The following SPTLC3 variants were observed in gnomAD, a reference collection of about 807,000 sequenced individuals.
The protein encoded by SPTLC3 is serine palmitoyltransferase 3.
In SPTLC3, 36 loss-of-function variants were observed where a neutral mutation model predicts 59.3. The ratio of observed to expected loss-of-function variants is 0.61; its 90% confidence interval spans 0.47 to 0.80. The LOEUF is 0.80. Ranked by LOEUF, SPTLC3 falls within the 30% of genes least tolerant of loss-of-function variation. The pLI is 0.00. For missense variants in SPTLC3, 625 were observed against 685.1 expected (o/e 0.91, Z 0.98); for synonymous variants, 257 against 240.8 (o/e 1.07, Z -0.62).
chr20:13,130,326 G>A (rs529895109), intron 9 of SPTLC3, among the ~76,000 whole-genome samples: 47 of 152,346 alleles, frequency 3.1e-4, no homozygotes, highest in African/African-American at 9.1e-4. Flanking sequence ...AGAAAGAGAA[G>A]CCGGGCTCTG....
intron 6 of SPTLC3, among the ~76,000 whole-genome samples, chr20:13,102,044 A>G (rs894477764): frequency 6.6e-6 from 1 of 152,134 alleles, no homozygotes; most frequent in African/African-American, 2.4e-5. Context: ...AAGAACCAAA[A>G]CTCTGCCTAC....
chr20:13,127,027 C>T (rs1161120276), intron 9 of SPTLC3, among the ~76,000 whole-genome samples: 1 of 152,212 alleles, frequency 6.6e-6, no homozygotes, highest in Non-Finnish European at 1.5e-5. Context: ...CACATGTTTG[C>T]CTGTGCTTGC....
chr20:13,073,379 A>G (rs1568588918), intron 3 of SPTLC3, among the ~76,000 whole-genome samples: 1 of 152,210 alleles, frequency 6.6e-6, no homozygotes, highest in Non-Finnish European at 1.5e-5. Context: ...TCAAATTACA[A>G]GGTTTTCTTT....
intron 6 of SPTLC3, among the ~76,000 whole-genome samples, chr20:13,098,912 T>C (rs1342075205): frequency 6.6e-6 from 1 of 152,180 alleles, no homozygotes; most frequent in Non-Finnish European, 1.5e-5. Context: ...GAGAATTGGG[T>C]GCAGCTAGGG....
At chr20:13,053,465 AC>A (rs1284733250) in intron 2 of SPTLC3, among the ~76,000 whole-genome samples, 1 of 152,104 alleles carries the variant, frequency 6.6e-6, no homozygotes, top group Non-Finnish European at 1.5e-5. Flanking sequence ...AAGGCTGAAA[AC>A]CAGAATGCCT....
Position 13,010,492 on chromosome 20 carries a change from G to A in SPTLC3, c.117+1108G>A, listed in dbSNP as rs190500541. On this transcript the variant is annotated intron_variant, in intron 1 of 11. Coordinates refer to ENST00000399002, the MANE Select transcript of SPTLC3 (RefSeq NM_018327.4). ...CTGAGTTGTGTGTAAACAGGCTGTG[G>A]TCCCCAAAAGCATTCCCCTCTTAAC... is the stretch of plus-strand genomic sequence containing the variant. 4.8e-3 allele frequency among the ~76,000 whole-genome samples: 738 copies of A among 152,260 alleles called. 10 individuals carry two copies. Among genetic ancestry groups the A allele is most frequent in the South Asian group, 0.02 (95 of 4,820 alleles).
At chr20:13,100,383 TA>T (rs111909476) in intron 6 of SPTLC3, among the ~76,000 whole-genome samples, 5 of 152,084 alleles carry the variant, frequency 3.3e-5, no homozygotes, top group South Asian at 2.1e-4. Context: ...GTCTATTTCC[TA>T]AAAAAACAGG....
intron 2 of SPTLC3, among the ~76,000 whole-genome samples, chr20:13,064,308 T>G (rs1227952843): frequency 1.5e-5 from 1 of 67,078 alleles, no homozygotes; most frequent in Admixed American, 1.5e-4. Context: ...TTTGTTTTTG[T>G]TTTTGTTTTT....
chr20:13,106,005 A>G (rs549052144), intron 6 of SPTLC3, among the ~76,000 whole-genome samples: 1 of 152,330 alleles, frequency 6.6e-6, no homozygotes, highest in Non-Finnish European at 1.5e-5. Context: ...AAAATTTCAA[A>G]ACAAGAAAGC....
chr20:13,091,040 G>A, intron 4 of SPTLC3, 43 bp from the exon 5 acceptor site: 1 of 1,607,648 alleles, frequency 6.2e-7, no homozygotes, highest in Non-Finnish European at 8.5e-7. Flanking sequence ...TCTTGGCCTT[G>A]TTGAAAAGAG....
chr20:13,012,867 C>A (rs541793815), intron 1 of SPTLC3, among the ~76,000 whole-genome samples: 1 of 152,176 alleles, frequency 6.6e-6, no homozygotes, highest in African/African-American at 2.4e-5. Context: ...CTTCTCAGAG[C>A]AGAGAAGACT....
chr20:13,026,884 G>A (rs1986174124), intron 1 of SPTLC3, among the ~76,000 whole-genome samples: 1 of 152,144 alleles, frequency 6.6e-6, no homozygotes, highest in South Asian at 2.1e-4. Flanking sequence ...GTGGGCATCA[G>A]GCCAAAAGCA....
At chr20:13,110,931 T>A (rs1431893502) in intron 7 of SPTLC3, among the ~76,000 whole-genome samples, 1 of 151,738 alleles carries the variant, frequency 6.6e-6, no homozygotes, top group African/African-American at 2.4e-5. Context: ...CAAGGAGGAG[T>A]GTGGCTACAA....
At chr20:13,130,379 C>G (rs1356649292) in intron 9 of SPTLC3, among the ~76,000 whole-genome samples, 4 of 152,170 alleles carry the variant, frequency 2.6e-5, no homozygotes, top group Non-Finnish European at 4.4e-5. Context: ...GTGATTGGAG[C>G]CTTTCAAGGC....
chr20:13,083,487 A>G (rs1200097374), intron 4 of SPTLC3, among the ~76,000 whole-genome samples: 1 of 152,224 alleles, frequency 6.6e-6, no homozygotes, highest in Admixed American at 6.5e-5. Flanking sequence ...CCATTTAGTC[A>G]AAGTAAAATA....
rs571934873 is a variant in SPTLC3 at position 13,145,238 on chromosome 20, C to T, written c.1280-8765C>T. ...AACATGATTATATATATCTAGAAAA[C>T]CCCATAGTACTGGCCCCAAAGCCCC... On this transcript the variant is annotated intron_variant, in intron 9 of 11. Transcript: ENST00000399002. Among the ~76,000 whole-genome samples, 37 of 152,192 alleles carry T rather than the reference C, an allele frequency of 2.4e-4. No homozygotes were observed. In the Middle Eastern group the frequency reaches 0.01, roughly 42 times the overall value.
chr20:13,069,269 G>A (rs1309777749), intron 2 of SPTLC3, among the ~76,000 whole-genome samples: 1 of 152,076 alleles, frequency 6.6e-6, no homozygotes, highest in Non-Finnish European at 1.5e-5. Context: ...GGTGAGGTCC[G>A]AGGCTGACCA....
At position 13,169,003 on chromosome 20, in the gene SPTLC3, G is replaced by C. The variant is rs1447111804; in HGVS notation, c.*4136G>C. On this transcript the variant is annotated 3_prime_UTR_variant, in exon 12 of 12. Transcript: ENST00000399002. ...TCTTTGTGTGTGTGAGAAGGACAGA[G>C]AGAAATGTATGTTTCACTGAAACAT... 1 of 144,480 alleles carries C rather than the reference G, an allele frequency of 6.9e-6. No homozygotes were observed. Among genetic ancestry groups the C allele is most frequent in the Non-Finnish European group, 1.6e-5 (1 of 64,312 alleles). 8.9% of individuals were successfully genotyped at this position (144,480 alleles called of 1,614,324 possible).
intron 4 of SPTLC3, 42 bp from the exon 5 acceptor site, chr20:13,091,041 T>C (rs767859225): frequency 1.2e-6 from 2 of 1,608,100 alleles, no homozygotes; most frequent in East Asian, 2.2e-5. Context: ...CTTGGCCTTG[T>C]TGAAAAGAGA....
Sources: gnomAD v4.1 joint callset for allele counts (sites outside exome capture counted in the v4.1 genomes callset) on GRCh38, gnomAD v4.1.1 for gene constraint, MANE v1.5 for transcripts, NCBI Gene and HGNC (gene_info 2026-07-23, HGNC 2026-07-21) for gene names.